Variants in LRP1B observed in about 807,000 individuals in gnomAD.
LRP1B encodes the protein low-density lipoprotein receptor-related protein 1B.
Under a neutral mutation model 556.6 loss-of-function variants are expected in LRP1B, and 217 were observed. The observed-to-expected ratio is 0.39, with a 90% CI of 0.35 to 0.44. The LOEUF is 0.44. Among genes scored for constraint, LRP1B ranks in the 20% least tolerant of loss-of-function variants. The probability of loss-of-function intolerance (pLI) is 1.00; values close to 1 mark genes in which losing one functional copy is unlikely to be tolerated. For synonymous variants in LRP1B, 2,047 were observed against 1,865.8 expected, an observed-to-expected ratio of 1.10 and a Z score of -2.50; for missense variants, 5,053 against 5,620.8, an observed-to-expected ratio of 0.90 and a Z score of 3.23.
chr2:140,506,503 C>T (rs776290803), intron 53 of LRP1B, among the ~76,000 whole-genome samples: 10 of 152,190 alleles, frequency 6.6e-5, no homozygotes, highest in East Asian at 5.8e-4. Flanking sequence ...CTCAGCCTCC[C>T]GAAGTGCTAG....
At chr2:140,681,739 T>C (rs1406398255) in intron 41 of LRP1B, among the ~76,000 whole-genome samples, 1 of 152,236 alleles carries the variant, frequency 6.6e-6, no homozygotes, top group South Asian at 2.1e-4. Context: ...TCCTCTATCA[T>C]AGATATTAAA....
At chr2:141,756,502 A>C (rs1281412745) in intron 2 of LRP1B, among the ~76,000 whole-genome samples, 1 of 151,628 alleles carries the variant, frequency 6.6e-6, no homozygotes, top group Admixed American at 6.6e-5. Flanking sequence ...ATAAGCTTAA[A>C]ATATTTTATT....
intron 1 of LRP1B, among the ~76,000 whole-genome samples, chr2:141,898,270 C>T (rs1390230661): frequency 3.3e-5 from 5 of 152,062 alleles, no homozygotes; most frequent in East Asian, 3.9e-4. Context: ...AGTCATGGAG[C>T]CAGGCCTCAG....
intron 15 of LRP1B, among the ~76,000 whole-genome samples, chr2:141,000,461 G>A (rs1345609358): frequency 2.0e-5 from 3 of 152,188 alleles, no homozygotes; most frequent in Non-Finnish European, 4.4e-5. Context: ...CATTGACTTG[G>A]TGATACCCAG....
intron 3 of LRP1B, among the ~76,000 whole-genome samples, chr2:141,360,317 T>C (rs1011545612): frequency 6.6e-6 from 1 of 152,238 alleles, no homozygotes; most frequent in Admixed American, 6.5e-5. Context: ...TGACACACTT[T>C]GTCTCCAAGC....
chr2:141,471,556 T>C (rs62166279), intron 3 of LRP1B, among the ~76,000 whole-genome samples: 104,231 of 152,078 alleles, frequency 0.69, 37,173 homozygotes, highest in East Asian at 0.84. Flanking sequence ...GCCTACCCAA[T>C]GCTTAGAGTG....
At chr2:140,615,232 T>A (rs1278090328) in intron 41 of LRP1B, among the ~76,000 whole-genome samples, 1 of 152,070 alleles carries the variant, frequency 6.6e-6, no homozygotes, top group East Asian at 1.9e-4. Flanking sequence ...AAGAAACAAC[T>A]AGTCTTGCAA....
chr2:140,558,581 G>GCT (rs2105070317), intron 43 of LRP1B, among the ~76,000 whole-genome samples: 1 of 152,202 alleles, frequency 6.6e-6, no homozygotes, highest in Non-Finnish European at 1.5e-5. Context: ...GTTGCTTAGG[G>GCT]CTGAGGGGAG....
At chr2:140,359,495 G>A (rs1682407125) in intron 72 of LRP1B, among the ~76,000 whole-genome samples, 1 of 151,586 alleles carries the variant, frequency 6.6e-6, no homozygotes, top group South Asian at 2.1e-4. Flanking sequence ...ATGTTTTTGT[G>A]TGTATTTAAA....
chr2:141,921,637 C>A (rs1483815424), intron 1 of LRP1B, among the ~76,000 whole-genome samples: 1 of 151,860 alleles, frequency 6.6e-6, no homozygotes, highest in Non-Finnish European at 1.5e-5. Flanking sequence ...AGAGAATCAC[C>A]ACTATGTCTT....
chr2:140,629,258 G>C (rs922116568), intron 41 of LRP1B, among the ~76,000 whole-genome samples: 6 of 151,088 alleles, frequency 4.0e-5, no homozygotes, highest in African/African-American at 1.5e-4. Flanking sequence ...GGTAAACATG[G>C]GGTTTCACCA....
intron 2 of LRP1B, among the ~76,000 whole-genome samples, chr2:141,704,766 G>T (rs750380738): frequency 6.6e-6 from 1 of 151,864 alleles, no homozygotes; most frequent in Non-Finnish European, 1.5e-5. Context: ...CCAAGGATCC[G>T]CCCATATCTT....
At chr2:141,944,707 A>G (rs183795449) in intron 1 of LRP1B, among the ~76,000 whole-genome samples, 4 of 152,328 alleles carry the variant, frequency 2.6e-5, no homozygotes, top group Non-Finnish European at 5.9e-5. Context: ...ACAGATGGAA[A>G]AGCAGAATGA....
chr2:141,661,903 A>T (rs1318304104), intron 2 of LRP1B, among the ~76,000 whole-genome samples: 1 of 152,214 alleles, frequency 6.6e-6, no homozygotes, highest in African/African-American at 2.4e-5. Context: ...ATTGAAATGA[A>T]GGAAAAAATG....
intron 32 of LRP1B, among the ~76,000 whole-genome samples, chr2:140,800,871 A>C (rs1347107155): frequency 1.3e-5 from 2 of 151,716 alleles, no homozygotes; most frequent in Non-Finnish European, 2.9e-5. Flanking sequence ...CCTCTTACTC[A>C]TTTTCTCCCC....
chr2:141,139,798 TG>T (rs1701595278), intron 7 of LRP1B, among the ~76,000 whole-genome samples: 1 of 151,412 alleles, frequency 6.6e-6, no homozygotes, highest in African/African-American at 2.4e-5. Context: ...TGTGTGTGTG[TG>T]TGTGTGTGTG....
intron 1 of LRP1B, among the ~76,000 whole-genome samples, chr2:142,049,984 G>A (rs1020978065): frequency 6.6e-6 from 1 of 152,072 alleles, no homozygotes; most frequent in Non-Finnish European, 1.5e-5. Context: ...GAAATCAGAA[G>A]CTCTAAAGGT....
chr2:141,567,760 A>G (rs1457254285), intron 2 of LRP1B, among the ~76,000 whole-genome samples: 4 of 149,740 alleles, frequency 2.7e-5, no homozygotes, highest in Non-Finnish European at 6.0e-5. Flanking sequence ...TTAAATCTGG[A>G]CTACTAAAGA....
At chr2:140,824,649 C>T (rs1366192364) in intron 31 of LRP1B, among the ~76,000 whole-genome samples, 1 of 151,990 alleles carries the variant, frequency 6.6e-6, no homozygotes, top group Non-Finnish European at 1.5e-5. Context: ...TATTTGTACC[C>T]TATATTTGAG....
Sources: allele counts gnomAD v4.1 joint callset (sites outside exome capture counted in the v4.1 genomes callset), GRCh38; gene constraint gnomAD v4.1.1; transcripts MANE v1.5; gene names NCBI Gene and HGNC (gene_info 2026-07-23, HGNC 2026-07-21).